TYW1B: variants seen among roughly 807,000 people sequenced by gnomAD.
The protein encoded by TYW1B is S-adenosyl-L-methionine-dependent tRNA 4-demethylwyosine synthase TYW1B.
A neutral mutation model predicts 86.9 loss-of-function variants in TYW1B; 73 were observed. The observed-to-expected ratio is 0.84, with a 90% CI of 0.70 to 1.02. The LOEUF is 1.02. TYW1B is among the 50% of genes least tolerant of loss of function. The pLI, the probability that TYW1B is intolerant of heterozygous loss-of-function variation, is 0.00. For synonymous variants in TYW1B, 248 were observed against 292.8 expected (o/e 0.85, Z 1.56); for missense variants, 637 against 827.4 (o/e 0.77, Z 2.82).
intron 12 of TYW1B, among the ~76,000 whole-genome samples, chr7:72,617,384 T>C (rs1812103089): frequency 1.3e-5 from 2 of 152,206 alleles, no homozygotes; most frequent in Admixed American, 1.3e-4. Flanking sequence ...ATCATTATTT[T>C]TGAGACAGAG....
chr7:72,779,283 G>A (rs1197787795), intron 6 of TYW1B, among the ~76,000 whole-genome samples: 1 of 152,234 alleles, frequency 6.6e-6, no homozygotes, highest in East Asian at 1.9e-4. Flanking sequence ...ACAGAAAGGG[G>A]TATACAAAGG....
chr7:72,705,060 T>G (rs1315424021), intron 10 of TYW1B, among the ~76,000 whole-genome samples: 1 of 152,170 alleles, frequency 6.6e-6, no homozygotes, highest in African/African-American at 2.4e-5. Context: ...TTACTTCTAT[T>G]GAAAGAAACT....
intron 11 of TYW1B, among the ~76,000 whole-genome samples, chr7:72,684,270 T>C (rs1181718378): frequency 1.3e-5 from 2 of 152,048 alleles, no homozygotes; most frequent in Admixed American, 6.6e-5. Flanking sequence ...AGAAAAACTA[T>C]AGATAAGCAT....
At chr7:72,630,452 C>T (rs1812454193) in intron 11 of TYW1B, among the ~76,000 whole-genome samples, 1 of 151,570 alleles carries the variant, frequency 6.6e-6, no homozygotes, top group African/African-American at 2.4e-5. Flanking sequence ...AGGTAACACT[C>T]AGGCTGCCAA....
chr7:72,576,646 G>A (rs1332128549), intron 13 of TYW1B, among the ~76,000 whole-genome samples: 1 of 151,890 alleles, frequency 6.6e-6, no homozygotes, highest in Non-Finnish European at 1.5e-5. Context: ...CTGAGTAGCT[G>A]GGACTCTTGG....
chr7:72,659,425 A>T (rs1813279468), intron 11 of TYW1B, among the ~76,000 whole-genome samples: 1 of 152,110 alleles, frequency 6.6e-6, no homozygotes, highest in Non-Finnish European at 1.5e-5. Context: ...TAAAAATACA[A>T]AAATGAGCCA....
rs534044771 is a variant in TYW1B, at chr7:72,749,958, T to C, written c.965-5357A>G. Among the ~76,000 whole-genome samples, 9 of 123,946 alleles carry C rather than the reference T, an allele frequency of 7.3e-5. No individual in the cohort carries two copies. The South Asian group carries it at 2.8e-3, about 39-fold the overall frequency. 81.3% of individuals were successfully genotyped at this position (123,946 alleles called of 152,430 possible). ...CAAGGTCTCACTTTGTCACCCATCA[T>C]AGCTCACTGTAGCCTCAAACTCCTG... On this transcript the variant is annotated intron_variant, in intron 7 of 13. Transcript: ENST00000620995.
intron 2 of TYW1B, among the ~76,000 whole-genome samples, chr7:72,817,136 G>A (rs1586007778): frequency 6.6e-6 from 1 of 152,260 alleles, no homozygotes; most frequent in East Asian, 1.9e-4. Flanking sequence ...GGGCGTGGTG[G>A]CTCACACCTG....
At chr7:72,606,609 C>T (rs1478135823) in intron 13 of TYW1B, among the ~76,000 whole-genome samples, 1 of 57,944 alleles carries the variant, frequency 1.7e-5, no homozygotes, top group Non-Finnish European at 4.6e-5. Context: ...GCAATAAGGC[C>T]CCCCCCCCGC....
At chr7:72,594,640 T>C (rs1414813022) in intron 13 of TYW1B, among the ~76,000 whole-genome samples, 3 of 152,130 alleles carry the variant, frequency 2.0e-5, no homozygotes, top group African/African-American at 7.2e-5. Context: ...GAGGGAATAC[T>C]TTCAACTCAT....
At chr7:72,749,677 A>G (rs557265493) in intron 7 of TYW1B, among the ~76,000 whole-genome samples, 71 of 149,518 alleles carry the variant, frequency 4.7e-4, no homozygotes, top group Non-Finnish European at 8.1e-4. Context: ...TTTTTATTAC[A>G]CTATTTTCAG....
intron 2 of TYW1B, among the ~76,000 whole-genome samples, chr7:72,824,754 AT>A (rs1201739752): frequency 1.3e-5 from 2 of 151,828 alleles, no homozygotes; most frequent in African/African-American, 4.8e-5. Flanking sequence ...AATAAAATAA[AT>A]TTTTTTTAAA....
chr7:72,719,665 G>C (rs1220040846), intron 9 of TYW1B, among the ~76,000 whole-genome samples: 6 of 150,714 alleles, frequency 4.0e-5, no homozygotes, highest in Admixed American at 3.3e-4. Context: ...AAGGTGATAG[G>C]CACGTGGAGA....
chr7:72,828,142 G>C lies in TYW1B; in HGVS notation c.-67C>G. On this transcript the variant is annotated 5_prime_UTR_variant, in exon 1 of 14. Transcript: ENST00000620995. Reference sequence around the variant, plus strand: ...GAGCCCAAAGGTTCGCACTGGTACTGCGAGACGCACCGAGCTACCTCGCGG... The same window carrying C: ...GAGCCCAAAGGTTCGCACTGGTACTCCGAGACGCACCGAGCTACCTCGCGG... 1.2e-6 allele frequency: 2 copies of C among 1,607,490 alleles called. No homozygotes were observed. The highest frequency in any genetic ancestry group is 2.2e-5 in the South Asian group (2 of 89,864).
At chr7:72,669,727 G>A (rs1278940021) in intron 11 of TYW1B, among the ~76,000 whole-genome samples, 5 of 151,890 alleles carry the variant, frequency 3.3e-5, no homozygotes, top group South Asian at 2.1e-4. Flanking sequence ...CTGAGATCAC[G>A]CCACTGCACT....
At chr7:72,827,785 C>G (rs1217048416) in intron 1 of TYW1B, among the ~76,000 whole-genome samples, 1 of 152,028 alleles carries the variant, frequency 6.6e-6, no homozygotes, top group Non-Finnish European at 1.5e-5. Context: ...GCAGCAATTT[C>G]AAAAGTCGAA....
intron 10 of TYW1B, among the ~76,000 whole-genome samples, chr7:72,702,248 A>G (rs182795246): frequency 6.6e-6 from 1 of 152,080 alleles, no homozygotes. Flanking sequence ...CTGTGAGAGA[A>G]AGTTTCCAGG....
intron 13 of TYW1B, among the ~76,000 whole-genome samples, chr7:72,593,201 A>C (rs1263851304): frequency 2.6e-5 from 4 of 151,946 alleles, no homozygotes; most frequent in African/African-American, 9.7e-5. Flanking sequence ...CTGAGGCAGG[A>C]GAAATTGCTT....
intron 11 of TYW1B, among the ~76,000 whole-genome samples, chr7:72,662,432 T>C (rs185674202): frequency 7.6e-5 from 10 of 131,088 alleles, no homozygotes; most frequent in African/African-American, 2.7e-4. Flanking sequence ...TATATATAGA[T>C]AGATAGATAG....
Sources: allele counts gnomAD v4.1 joint callset (sites outside exome capture counted in the v4.1 genomes callset), GRCh38; gene constraint gnomAD v4.1.1; transcripts MANE v1.5; gene names NCBI Gene and HGNC (gene_info 2026-07-23, HGNC 2026-07-21).